Variants in FIG4 observed in about 807,000 individuals in gnomAD.
FIG4 encodes FIG4 phosphoinositide 5-phosphatase.
A neutral mutation model predicts 118.6 loss-of-function variants in FIG4; 112 were observed. The observed-to-expected ratio is 0.94, with a 90% CI of 0.81 to 1.11. The LOEUF is 1.11. Ranked by LOEUF, FIG4 falls within the 50% of genes least tolerant of loss-of-function variation. The probability of loss-of-function intolerance (pLI) is 0.00; values close to 1 mark genes in which losing one functional copy is unlikely to be tolerated. For synonymous variants in FIG4, 369 were observed against 381.2 expected, an observed-to-expected ratio of 0.97 and a Z score of 0.37; for missense variants, 969 against 1,111.7, an observed-to-expected ratio of 0.87 and a Z score of 1.83.
chr6:109,746,269 T>C (rs1453484041), intron 10 of FIG4, among the ~76,000 whole-genome samples: 3 of 152,194 alleles, frequency 2.0e-5, no homozygotes, highest in Non-Finnish European at 4.4e-5. Context: ...GAGTTTCCTA[T>C]GTGCAAAGGC....
At chr6:109,695,193 A>T (rs1032095757) in intron 1 of FIG4, among the ~76,000 whole-genome samples, 2 of 152,250 alleles carry the variant, frequency 1.3e-5, no homozygotes, top group African/African-American at 4.8e-5. Context: ...GTAACTAATG[A>T]TACCAGCCAT....
intron 10 of FIG4, among the ~76,000 whole-genome samples, chr6:109,752,080 C>T (rs1776724076): frequency 1.4e-5 from 2 of 147,314 alleles, no homozygotes; most frequent in Non-Finnish European, 3.0e-5. Flanking sequence ...TGAGTGAGAA[C>T]ATGCGGTGTT....
chr6:109,720,563 A>G (rs958430820), intron 3 of FIG4, among the ~76,000 whole-genome samples: 1 of 152,228 alleles, frequency 6.6e-6, no homozygotes, highest in African/African-American at 2.4e-5. Flanking sequence ...CACATGTTGC[A>G]GACCAACACC....
At chr6:109,753,975 T>C (rs1776797891) in intron 10 of FIG4, among the ~76,000 whole-genome samples, 1 of 152,174 alleles carries the variant, frequency 6.6e-6, no homozygotes, top group Non-Finnish European at 1.5e-5. Context: ...TCCAACACTA[T>C]GTTGAATAGG....
intron 1 of FIG4, among the ~76,000 whole-genome samples, chr6:109,704,203 C>T (rs1337203207): frequency 1.3e-5 from 2 of 152,216 alleles, no homozygotes; most frequent in Non-Finnish European, 2.9e-5. Flanking sequence ...ACTCTCCTTC[C>T]TGATCCCATC....
At chr6:109,749,887 G>A (rs889914661) in intron 10 of FIG4, among the ~76,000 whole-genome samples, 1 of 152,138 alleles carries the variant, frequency 6.6e-6, no homozygotes, top group African/African-American at 2.4e-5. Context: ...CTAGAAGTTA[G>A]CTACAGAAAT....
intron 15 of FIG4, among the ~76,000 whole-genome samples, chr6:109,773,897 C>T (rs2128394083): frequency 6.6e-6 from 1 of 152,192 alleles, no homozygotes; most frequent in African/African-American, 2.4e-5. Context: ...GTTCCTAACT[C>T]CTGGGCTCAA....
intron 1 of FIG4, among the ~76,000 whole-genome samples, chr6:109,707,028 C>A (rs537853513): frequency 6.6e-6 from 1 of 152,106 alleles, no homozygotes. Flanking sequence ...TCTAACTGCA[C>A]CCCCAGTACA....
Position 109,758,508 on chromosome 6 carries a change from G to A in FIG4, c.1138-1742G>A, listed in dbSNP as rs546899014. Among the ~76,000 whole-genome samples, 62 of 152,210 alleles carry A rather than the reference G, an allele frequency of 4.1e-4. 1 individual carries two copies. Among genetic ancestry groups the A allele is most frequent in the East Asian group, 2.7e-3 (14 of 5,182 alleles). ...AAGACCTAAAACCAAAAAAGCCCTA[G>A]AAGAAAACCTAGGCAATACTATTCA... is the stretch of plus-strand genomic sequence containing the variant. On this transcript the variant is annotated intron_variant, in intron 10 of 22. Coordinates refer to ENST00000230124, the MANE Select transcript of FIG4 (RefSeq NM_014845.6).
intron 15 of FIG4, among the ~76,000 whole-genome samples, chr6:109,776,280 T>C (rs1266297699): frequency 6.6e-6 from 1 of 152,210 alleles, no homozygotes; most frequent in Non-Finnish European, 1.5e-5. Context: ...AATTTTGGAA[T>C]GCTTGAATAG....
intron 8 of FIG4, 85 bp downstream of exon 8, chr6:109,741,629 A>G: frequency 1.1e-6 from 1 of 910,502 alleles, no homozygotes; most frequent in South Asian, 1.3e-5. Context: ...AATTTTAAGA[A>G]GTGGTATTTC....
chr6:109,789,734 C>G, intron 19 of FIG4, 57 bp downstream of exon 19: 1 of 1,229,784 alleles, frequency 8.1e-7, no homozygotes, highest in South Asian at 1.2e-5. Context: ...ATAGTACTTG[C>G]AATATGATTT....
chr6:109,761,861 G>A (rs1777117536), intron 11 of FIG4, among the ~76,000 whole-genome samples: 1 of 152,156 alleles, frequency 6.6e-6, no homozygotes. Flanking sequence ...ACCAATATTT[G>A]ATATTAAGTT....
intron 1 of FIG4, among the ~76,000 whole-genome samples, chr6:109,692,861 C>T (rs748135815): frequency 6.2e-4 from 94 of 152,106 alleles, no homozygotes; most frequent in Non-Finnish European, 9.3e-4. Context: ...ACACCATGAC[C>T]GGCTAATTCT....
At chr6:109,823,918 C>G (rs1244661324) in intron 22 of FIG4, among the ~76,000 whole-genome samples, 1 of 152,198 alleles carries the variant, frequency 6.6e-6, no homozygotes, top group East Asian at 1.9e-4. Flanking sequence ...TGCCCCCCAG[C>G]CCCTCACACT....
chr6:109,765,243 G>C, intron 14 of FIG4, 82 bp downstream of exon 14: 1 of 1,170,108 alleles, frequency 8.5e-7, no homozygotes, highest in Non-Finnish European at 1.3e-6. Context: ...TTATGAAAGC[G>C]TTTCTACTTT....
At chr6:109,735,536 C>T (rs1328284779) in intron 6 of FIG4, among the ~76,000 whole-genome samples, 2 of 152,058 alleles carry the variant, frequency 1.3e-5, no homozygotes, top group Non-Finnish European at 2.9e-5. Context: ...AGCAATTATT[C>T]ACGTACTTTT....
intron 22 of FIG4, among the ~76,000 whole-genome samples, chr6:109,808,121 G>C (rs919273902): frequency 6.6e-6 from 1 of 152,068 alleles, no homozygotes; most frequent in Non-Finnish European, 1.5e-5. Flanking sequence ...GAAGCATGGA[G>C]AGTAGCAAAT....
At chr6:109,796,308 G>A (rs1778285457) in intron 21 of FIG4, among the ~76,000 whole-genome samples, 1 of 152,192 alleles carries the variant, frequency 6.6e-6, no homozygotes, top group African/African-American at 2.4e-5. Context: ...TGCTTCAGGA[G>A]GTGGATCCCC....
Sources: allele counts gnomAD v4.1 joint callset (sites outside exome capture counted in the v4.1 genomes callset), GRCh38; gene constraint gnomAD v4.1.1; transcripts MANE v1.5; gene names NCBI Gene and HGNC (gene_info 2026-07-23, HGNC 2026-07-21).